Variants in CAPN14 observed in about 807,000 individuals in gnomAD.
CAPN14 encodes calpain 14, also known as calpain-14.
CAPN14 carries 94 observed loss-of-function variants against 101.3 expected under a neutral mutation model. That is an observed-to-expected ratio of 0.93 (90% CI 0.79 to 1.10). The LOEUF is 1.10. CAPN14 is among the 50% of genes least tolerant of loss of function. The pLI, the probability that CAPN14 is intolerant of heterozygous loss-of-function variation, is 0.00. For synonymous variants in CAPN14, 338 were observed against 317.9 expected, an observed-to-expected ratio of 1.06 and a Z score of -0.67; for missense variants, 837 against 828.4, an observed-to-expected ratio of 1.01 and a Z score of -0.13.
upstream of CAPN14, among the ~76,000 whole-genome samples, chr2:31,220,675 A>G (rs1354712283): frequency 2.0e-5 from 3 of 152,224 alleles, no homozygotes; most frequent in Non-Finnish European, 2.9e-5. Context: ...CTAAAACTGC[A>G]CAAATTAGCT....
At chr2:31,209,189 C>T (rs1345924241) in intron 1 of CAPN14, among the ~76,000 whole-genome samples, 2 of 146,438 alleles carry the variant, frequency 1.4e-5, no homozygotes, top group African/African-American at 2.5e-5. Context: ...GTTGCCCAGG[C>T]TAGTCTCTAA....
chr2:31,191,792 C>T (rs1196095057), intron 11 of CAPN14, 143 bp downstream of exon 11: 2 of 756,962 alleles, frequency 2.6e-6, no homozygotes, highest in African/African-American at 3.5e-5. Context: ...ATCACATGTT[C>T]CTAAAGGACA....
At chr2:31,189,688 G>A (rs1681082237) in intron 12 of CAPN14, 1 of 669,816 alleles carries the variant, frequency 1.5e-6, no homozygotes, top group Non-Finnish European at 2.7e-6. Flanking sequence ...CCTATCAGGG[G>A]CTACATAAAC....
chr2:31,229,679 C>CAAAAAAAAAAAAAAAAAAAGA (rs1683130199), intron 1 of CAPN14, among the ~76,000 whole-genome samples: 1 of 99,052 alleles, frequency 1.0e-5, no homozygotes, highest in Non-Finnish European at 2.0e-5. Context: ...ACCCTATGTC[C>CAAAAAAAAAAAAAAAAAAAGA]AAAAAAAAAA....
At chr2:31,218,327 C>T (rs6731524), upstream of CAPN14, among the ~76,000 whole-genome samples, 21,029 of 150,898 alleles carry the variant, frequency 0.14, 1,778 homozygotes, top group East Asian at 0.34. Flanking sequence ...CCTGCCTCCA[C>T]GCTTGCACAC....
intron 13 of CAPN14, among the ~76,000 whole-genome samples, chr2:31,188,722 G>A (rs1049932926): frequency 6.6e-6 from 1 of 152,106 alleles, no homozygotes; most frequent in Non-Finnish European, 1.5e-5. Context: ...AACAATCATA[G>A]GCAAAATAAT....
At chr2:31,213,415 T>C (rs924215884) in intron 1 of CAPN14, among the ~76,000 whole-genome samples, 2 of 152,228 alleles carry the variant, frequency 1.3e-5, no homozygotes, top group African/African-American at 2.4e-5. Context: ...GCTTTCGCAT[T>C]ACAACAGCGG....
intron 8 of CAPN14, among the ~76,000 whole-genome samples, chr2:31,195,551 G>T (rs1681428416): frequency 6.6e-6 from 1 of 152,098 alleles, no homozygotes; most frequent in South Asian, 2.1e-4. Flanking sequence ...TGGCCGGGCT[G>T]GTCTTGAACT....
rs1355180281 is a variant in CAPN14 at position 31,201,862 on chromosome 2, T to C, written c.551A>G (p.Lys184Arg). Residue 184 changes from lysine (K) to arginine (R), a missense_variant and splice_region_variant, in exon 5 of 22, where the codon AAG becomes AGG. Coordinates refer to ENST00000403897, the MANE Select transcript of CAPN14 (RefSeq NM_001145122.2). ...WGALLEKAYAKLSGSYEDLQS... is the reference protein window; with the variant it reads ...WGALLEKAYARLSGSYEDLQS... The stretch of plus-strand genomic sequence containing the variant: ...GGGGATATTTCTGCCGGTTTCTTAC[T>C]TGGCATAGGCCTTTTCCAGAAGTGC... 6.4e-7 allele frequency: 1 copy of C among 1,550,402 alleles called. No individual in the cohort carries two copies. The highest frequency in any genetic ancestry group is 1.2e-5 in the South Asian group (1 of 84,014).
At position 31,200,419 on chromosome 2, in the gene CAPN14, A is replaced by T. The variant is rs111795446; in HGVS notation, c.726+32T>A. Reference sequence around the variant, plus strand: ...ATGGAGGGCATGGGTGCAGGAGAAGAGGACATTCTGCCAGTGGCAGCCCAG... The same window carrying T: ...ATGGAGGGCATGGGTGCAGGAGAAGTGGACATTCTGCCAGTGGCAGCCCAG... On this transcript the variant is annotated intron_variant, in intron 6 of 21. Transcript: ENST00000403897. The T allele has an allele frequency of 4.9e-5, 75 of 1,533,432 alleles. 2 individuals carry two copies. The African/African-American group carries it at 5.6e-4, about 11-fold the overall frequency. 95.0% of individuals were successfully genotyped at this position (1,533,432 alleles called of 1,614,324 possible).
chr2:31,177,738 G>C lies in CAPN14; in HGVS notation c.1855+8C>G. ...TGTGCCCACAGCTCCAGCTCTTCCT[G>C]TGCCTACCTGCCTCCCTCATGGCAG... On this transcript the variant is annotated splice_region_variant and intron_variant, in intron 19 of 21. Coordinates refer to ENST00000403897, the MANE Select transcript of CAPN14 (RefSeq NM_001145122.2). The C allele has an allele frequency of 6.5e-7, 1 of 1,549,980 alleles. No homozygotes were observed. The highest frequency in any genetic ancestry group is 1.4e-5 in the African/African-American group (1 of 73,140).
chr2:31,207,364 C>T (rs1200846028), intron 1 of CAPN14, among the ~76,000 whole-genome samples: 1 of 152,198 alleles, frequency 6.6e-6, no homozygotes, highest in Non-Finnish European at 1.5e-5. Flanking sequence ...CAAATTATCA[C>T]TAGTGAAGGG....
chr2:31,198,594 T>A (rs1681586109), intron 7 of CAPN14, among the ~76,000 whole-genome samples: 1 of 152,104 alleles, frequency 6.6e-6, no homozygotes, highest in African/African-American at 2.4e-5. Context: ...AATATGGAAA[T>A]AAATTAAAAG....
intron 1 of CAPN14, among the ~76,000 whole-genome samples, chr2:31,229,958 T>A (rs1683139687): frequency 6.6e-6 from 1 of 152,254 alleles, no homozygotes; most frequent in South Asian, 2.1e-4. Context: ...TCTGGCTTTA[T>A]TCACTCAACA....
rs1436691207 is a variant in CAPN14 at position 31,205,426 on chromosome 2, G to A, written c.22C>T (p.Arg8Ter). MSLWPPF[R>*]CRWKLAPRYS... ...CTTGGCGCCAGCTTCCATCTGCATC[G>A]GAAAGGTGGCCACAGAGACATGGCA... is the stretch of plus-strand genomic sequence containing the variant. Residue 8 changes from arginine to a stop codon, truncating the protein, a stop_gained, in exon 2 of 22, where the codon CGA becomes TGA. Coordinates refer to ENST00000403897, the MANE Select transcript of CAPN14 (RefSeq NM_001145122.2). LOFTEE classifies it high-confidence loss of function. The A allele has an allele frequency of 1.1e-5, 17 of 1,551,420 alleles. No homozygotes were observed. Among genetic ancestry groups the A allele is most frequent in the East Asian group, 4.9e-5 (2 of 40,910 alleles).
chr2:31,216,484 C>T (rs1682649715), intron 1 of CAPN14, among the ~76,000 whole-genome samples: 1 of 152,080 alleles, frequency 6.6e-6, no homozygotes, highest in Admixed American at 6.5e-5. Context: ...TTTCTGCCCT[C>T]GAGGAAGTCA....
chr2:31,201,729 T>A, intron 5 of CAPN14, 133 bp downstream of exon 5: 1 of 1,170,962 alleles, frequency 8.5e-7, no homozygotes, highest in East Asian at 2.6e-5. Flanking sequence ...GAATACGTTG[T>A]CACTTCTATG....
rs768563418 is a variant in CAPN14 at position 31,191,398 on chromosome 2, C to T, written c.1287+1G>A. Reference sequence around the variant, plus strand: ...GCCACCCGGTCAAGTGCAGAACTCACCTTGTTCATCTAAAAAACAAAAACA... The same window carrying T: ...GCCACCCGGTCAAGTGCAGAACTCATCTTGTTCATCTAAAAAACAAAAACA... On this transcript the variant is annotated splice_donor_variant, in intron 12 of 21. Coordinates refer to ENST00000403897, the MANE Select transcript of CAPN14 (RefSeq NM_001145122.2). LOFTEE classifies it high-confidence loss of function. 13 of 1,542,206 alleles carry T rather than the reference C, an allele frequency of 8.4e-6. No individual in the cohort carries two copies. The highest frequency in any genetic ancestry group is 1.1e-5 in the Non-Finnish European group (13 of 1,144,898).
At chr2:31,197,918 A>C (rs555637606) in intron 7 of CAPN14, among the ~76,000 whole-genome samples, 1 of 152,336 alleles carries the variant, frequency 6.6e-6, no homozygotes, top group East Asian at 1.9e-4. Flanking sequence ...TCACACCTTG[A>C]TTTCAGACTT....
Sources: allele counts gnomAD v4.1 joint callset (sites outside exome capture counted in the v4.1 genomes callset), GRCh38; gene constraint gnomAD v4.1.1; transcripts MANE v1.5; gene names NCBI Gene and HGNC (gene_info 2026-07-23, HGNC 2026-07-21).